KAZN: variants seen among roughly 807,000 people sequenced by gnomAD.
KAZN encodes kazrin, periplakin interacting protein.
A neutral mutation model predicts 87.4 loss-of-function variants in KAZN; 40 were observed. The observed-to-expected ratio is 0.46, with a 90% CI of 0.36 to 0.60. The LOEUF (loss-of-function observed/expected upper bound fraction) is 0.60, where lower values mean the gene tolerates loss of function less well. Among genes scored for constraint, KAZN ranks in the 20% least tolerant of loss-of-function variants. KAZN has a pLI of 0.00. For synonymous variants in KAZN, 466 were observed against 458.3 expected, an observed-to-expected ratio of 1.02 and a Z score of -0.22; for missense variants, 898 against 1,073.9, an observed-to-expected ratio of 0.84 and a Z score of 2.29.
intron 1 of KAZN, among the ~76,000 whole-genome samples, chr1:13,932,258 ATTTTTTT>A (rs1553175095): frequency 2.3e-5 from 1 of 43,126 alleles, no homozygotes; most frequent in Non-Finnish European, 5.4e-5. Flanking sequence ...CTTATTAAAC[ATTTTTTT>A]TTTTTTTTTT....
chr1:14,534,068 C>T (rs538101230), intron 2 of KAZN, among the ~76,000 whole-genome samples: 8 of 152,230 alleles, frequency 5.3e-5, no homozygotes, highest in African/African-American at 1.9e-4. Context: ...GCTCAGTACC[C>T]AATGAAACCC....
At chr1:14,914,393 G>T (rs560140339) in intron 1 of KAZN, among the ~76,000 whole-genome samples, 196 of 152,302 alleles carry the variant, frequency 1.3e-3, no homozygotes, top group African/African-American at 4.7e-3. Context: ...AACCCCCATC[G>T]GTGTTGGGAT....
chr1:13,973,208 C>T (rs993829735), intron 1 of KAZN, among the ~76,000 whole-genome samples: 1 of 152,168 alleles, frequency 6.6e-6, no homozygotes, highest in Admixed American at 6.5e-5. Context: ...TGACATGTAT[C>T]ATCTCATGTA....
At chr1:14,036,618 T>C (rs1281985720) in intron 1 of KAZN, among the ~76,000 whole-genome samples, 1 of 151,790 alleles carries the variant, frequency 6.6e-6, no homozygotes, top group Non-Finnish European at 1.5e-5. Context: ...TGAGCTATGA[T>C]TGCACCTGCA....
At chr1:13,956,207 G>A (rs1641539499) in intron 1 of KAZN, among the ~76,000 whole-genome samples, 1 of 152,056 alleles carries the variant, frequency 6.6e-6, no homozygotes, top group South Asian at 2.1e-4. Flanking sequence ...TGTCACTAAT[G>A]TGTACAGTCT....
chr1:14,798,060 TG>T (rs1645885548), intron 1 of KAZN, among the ~76,000 whole-genome samples: 2 of 152,096 alleles, frequency 1.3e-5, no homozygotes, highest in Non-Finnish European at 2.9e-5. Flanking sequence ...TTAAGAAAAC[TG>T]TCTGAGTCAT....
intron 2 of KAZN, among the ~76,000 whole-genome samples, chr1:15,006,988 C>T (rs996065366): frequency 7.0e-4 from 93 of 132,708 alleles, no homozygotes; most frequent in African/African-American, 2.4e-3. Flanking sequence ...ACCTGGGAGG[C>T]GGAGCTTGCA....
At chr1:14,622,216 C>T (rs1439543500) in intron 1 of KAZN, among the ~76,000 whole-genome samples, 6 of 152,166 alleles carry the variant, frequency 3.9e-5, no homozygotes, top group Non-Finnish European at 5.9e-5. Context: ...TCCAAAGTCC[C>T]TGAAATCAGC....
intron 1 of KAZN, among the ~76,000 whole-genome samples, chr1:14,740,368 A>G (rs1436379922): frequency 6.6e-6 from 1 of 152,296 alleles, no homozygotes; most frequent in East Asian, 1.9e-4. Flanking sequence ...GTCAAATGTC[A>G]TCCTGACATC....
intron 1 of KAZN, among the ~76,000 whole-genome samples, chr1:13,938,312 G>T (rs968266473): frequency 5.9e-5 from 9 of 151,940 alleles, no homozygotes; most frequent in Admixed American, 1.3e-4. Flanking sequence ...TTCTTGATTT[G>T]GTTCTCTGCT....
intron 2 of KAZN, among the ~76,000 whole-genome samples, chr1:14,373,751 T>A (rs937143631): frequency 6.6e-6 from 1 of 152,144 alleles, no homozygotes; most frequent in Non-Finnish European, 1.5e-5. Context: ...AGTGGTGTGT[T>A]CCTTCTCTGA....
chr1:14,682,515 T>C (rs150711015), intron 1 of KAZN, among the ~76,000 whole-genome samples: 57 of 152,172 alleles, frequency 3.7e-4, no homozygotes, highest in African/African-American at 1.4e-3. Flanking sequence ...CTCAAACTCC[T>C]GGGCTCCAGT....
At chr1:14,722,555 T>A (rs1014142562) in intron 1 of KAZN, among the ~76,000 whole-genome samples, 1 of 152,254 alleles carries the variant, frequency 6.6e-6, no homozygotes, top group African/African-American at 2.4e-5. Flanking sequence ...CATTGCACTC[T>A]GGATTGGTGA....
Position 14,843,172 on chromosome 1 carries a change from C to T in KAZN, c.227-117512C>T, listed in dbSNP as rs568382009. ...GAAGTATACTAAGATTATCCCAGAG[C>T]TGCTGTCCTATTCAAGTCGATTCCT... On this transcript the variant is annotated intron_variant, in intron 1 of 14. Coordinates refer to ENST00000376030, the MANE Select transcript of KAZN (RefSeq NM_201628.3). 2.0e-5 allele frequency among the ~76,000 whole-genome samples: 3 copies of T among 152,288 alleles called. No homozygotes were observed. The South Asian group carries it at 6.2e-4, about 32-fold the overall frequency.
intron 2 of KAZN, among the ~76,000 whole-genome samples, chr1:15,030,501 G>A (rs934054634): frequency 1.7e-4 from 26 of 152,200 alleles, no homozygotes; most frequent in Non-Finnish European, 1.8e-4. Flanking sequence ...TCCTGACCTC[G>A]AGTGCTCCGC....
At chr1:14,453,235 G>A (rs144615086) in intron 2 of KAZN, among the ~76,000 whole-genome samples, 3,644 of 152,086 alleles carry the variant, frequency 0.024, 55 homozygotes, top group Middle Eastern at 0.065. Context: ...GATTACAGGC[G>A]TGAGCCACCG....
At chr1:14,728,868 G>A (rs181243906) in intron 1 of KAZN, among the ~76,000 whole-genome samples, 1 of 152,308 alleles carries the variant, frequency 6.6e-6, no homozygotes, top group Admixed American at 6.5e-5. Flanking sequence ...TTCTTGGCAA[G>A]GATTAGATGA....
intron 2 of KAZN, among the ~76,000 whole-genome samples, chr1:14,315,566 C>A (rs1571286174): frequency 6.6e-6 from 1 of 152,092 alleles, no homozygotes; most frequent in Admixed American, 6.6e-5. Flanking sequence ...AGCCTCCCAT[C>A]CCAGCCCAGG....
chr1:14,530,763 G>A (rs1672165113), intron 2 of KAZN, among the ~76,000 whole-genome samples: 1 of 152,158 alleles, frequency 6.6e-6, no homozygotes, highest in Non-Finnish European at 1.5e-5. Flanking sequence ...AGAAATGTGA[G>A]CCAATTAAAC....
Sources: gnomAD v4.1 joint callset for allele counts (sites outside exome capture counted in the v4.1 genomes callset) on GRCh38, gnomAD v4.1.1 for gene constraint, MANE v1.5 for transcripts, NCBI Gene and HGNC (gene_info 2026-07-23, HGNC 2026-07-21) for gene names.